METTL6: variants seen among roughly 807,000 people sequenced by gnomAD.
METTL6 encodes methyltransferase 6, tRNA N3-cytidine, also known as tRNA N(3)-cytidine methyltransferase METTL6.
A neutral mutation model predicts 26.4 loss-of-function variants in METTL6; 22 were observed. The ratio of observed to expected loss-of-function variants is 0.83; its 90% CI spans 0.59 to 1.19. The LOEUF is 1.19. METTL6 is among the 50% of genes most tolerant of loss of function. METTL6 has a pLI of 0.00. For synonymous variants in METTL6, 109 were observed against 116.2 expected (o/e 0.94, Z 0.40); for missense variants, 304 against 324.8 (o/e 0.94, Z 0.49).
chr3:15,412,494 GTTTT>G (rs898591503), intron 5 of METTL6, among the ~76,000 whole-genome samples: 1 of 151,402 alleles, frequency 6.6e-6, no homozygotes, highest in Non-Finnish European at 1.5e-5. Flanking sequence ...GTTTTGTTTT[GTTTT>G]TTTGAGATAG....
chr3:15,398,594 T>C (rs1002162022), intron 6 of METTL6, among the ~76,000 whole-genome samples: 3 of 151,990 alleles, frequency 2.0e-5, no homozygotes, highest in Admixed American at 6.6e-5. Context: ...ACACCTGTAA[T>C]CCCAACACTT....
At chr3:15,382,272 T>C (rs1378738718) in exon 7 of METTL6, 1 of 152,124 alleles carries the variant, frequency 6.6e-6, no homozygotes, top group East Asian at 1.9e-4. Context: ...GATGCCTCCA[T>C]TCTCCAGATC....
At chr3:15,393,710 C>T (rs1354450678) in intron 6 of METTL6, among the ~76,000 whole-genome samples, 1 of 152,118 alleles carries the variant, frequency 6.6e-6, no homozygotes, top group Non-Finnish European at 1.5e-5. Context: ...GCATGAAGGG[C>T]TGCTGAATTT....
At chr3:15,421,019 G>A (rs1018761918) in intron 3 of METTL6, among the ~76,000 whole-genome samples, 3 of 152,130 alleles carry the variant, frequency 2.0e-5, no homozygotes, top group African/African-American at 7.2e-5. Flanking sequence ...TGACCTCTTA[G>A]AACTAGACAT....
intron 3 of METTL6, among the ~76,000 whole-genome samples, chr3:15,420,195 A>G (rs546334289): frequency 6.6e-5 from 10 of 152,308 alleles, no homozygotes; most frequent in African/African-American, 2.4e-4. Context: ...CATTCCATGG[A>G]ATATTATAAC....
In METTL6 at chr3:15,410,659, T is replaced by C. The variant is rs1013697213; in HGVS notation, c.*597A>G. ...TGCAGTTGAAAACAGGTAATTGAAA[T>C]TGTGGTAAGTGAAACCATGGATAAA... On this transcript the variant is annotated 3_prime_UTR_variant, in exon 6 of 6. Transcript: ENST00000383790. Among the ~76,000 whole-genome samples the C allele has an allele frequency of 6.6e-6, 1 of 151,844 alleles. No individual in the cohort carries two copies.
intron 6 of METTL6, among the ~76,000 whole-genome samples, chr3:15,404,741 G>A (rs537570064): frequency 2.6e-5 from 4 of 152,216 alleles, no homozygotes; most frequent in Admixed American, 1.3e-4. Flanking sequence ...ATTCACAGGT[G>A]AGATCATAGT....
chr3:15,426,034 G>A (rs773603683), intron 2 of METTL6, among the ~76,000 whole-genome samples: 3 of 151,922 alleles, frequency 2.0e-5, no homozygotes, highest in Non-Finnish European at 2.9e-5. Flanking sequence ...TCCGCCTCCC[G>A]GGTTCAAGCG....
chr3:15,425,193 C>T (rs941631367), intron 2 of METTL6, 104 bp from the exon 3 acceptor site: 3 of 1,226,874 alleles, frequency 2.4e-6, no homozygotes, highest in Non-Finnish European at 1.1e-6. Flanking sequence ...CCCCATGGAG[C>T]AGACGATCAA....
Position 15,401,046 on chromosome 3 carries a change from T to C in METTL6, c.*11+10199A>G, listed in dbSNP as rs954766839. Among the ~76,000 whole-genome samples the C allele has an allele frequency of 5.7e-5, 8 of 139,856 alleles. 1 individual carries two copies. Among genetic ancestry groups the C allele is most frequent in the Admixed American group, 4.2e-4 (6 of 14,158 alleles). 91.8% of individuals were successfully genotyped at this position (139,856 alleles called of 152,430 possible). ...CCCAGATCAGTTTTGTATTTTCTTC[T>C]TTTTTTTTTTTGAGATGGAGTCTCA... On this transcript the variant is annotated intron_variant, in intron 6 of 6. Coordinates refer to the METTL6 transcript ENST00000443029.
At chr3:15,401,821 T>G (rs1203413851) in intron 6 of METTL6, among the ~76,000 whole-genome samples, 1 of 152,188 alleles carries the variant, frequency 6.6e-6, no homozygotes, top group Non-Finnish European at 1.5e-5. Context: ...TGCCCGCCCC[T>G]TTTCCAGAAC....
rs78064960 is a variant in METTL6 at position 15,383,471 on chromosome 3, T to C, written c.*728A>G. 4.1e-3 allele frequency: 622 copies of C among 151,978 alleles called. 1 individual carries two copies. Among genetic ancestry groups the C allele is most frequent in the East Asian group, 0.019 (99 of 5,182 alleles). 9.4% of individuals were successfully genotyped at this position (151,978 alleles called of 1,614,324 possible). On this transcript the variant is annotated 3_prime_UTR_variant, in exon 7 of 7. Transcript: ENST00000443029. Reference sequence around the variant, plus strand: ...CAGGCTGGTGTCTGGAACCCCTGAATTCCTGGGCTCAAGCAATCTTCCTGC... The same window carrying C: ...CAGGCTGGTGTCTGGAACCCCTGAACTCCTGGGCTCAAGCAATCTTCCTGC...
Position 15,424,571 on chromosome 3 carries a change from TA to T in METTL6, c.360+383del, listed in dbSNP as rs764956968. On this transcript the variant is annotated intron_variant, in intron 3 of 5. Transcript: ENST00000383790. ...TGCGAACCAACATGGCAGGCCAGAT[TA>T]TAGTTATTTTTGTGAAATATGATAA... Among the ~76,000 whole-genome samples, 63 of 152,194 alleles carry T rather than the reference TA, an allele frequency of 4.1e-4. 4 individuals carry two copies. Among genetic ancestry groups the T allele is most frequent in the Admixed American group, 2.6e-4 (4 of 15,282 alleles).
At chr3:15,390,009 C>T (rs1050418365) in intron 6 of METTL6, among the ~76,000 whole-genome samples, 24 of 151,468 alleles carry the variant, frequency 1.6e-4, no homozygotes, top group African/African-American at 5.6e-4. Flanking sequence ...AGTAAGACTC[C>T]ATCTCAAGGG....
intron 5 of METTL6, among the ~76,000 whole-genome samples, chr3:15,412,772 G>C (rs541035289): frequency 1.4e-4 from 22 of 151,904 alleles, no homozygotes; most frequent in African/African-American, 4.8e-4. Flanking sequence ...AGCTTTAATA[G>C]TAATCACTCA....
intron 6 of METTL6, among the ~76,000 whole-genome samples, chr3:15,401,855 T>C (rs1699656027): frequency 6.6e-6 from 1 of 152,224 alleles, no homozygotes; most frequent in African/African-American, 2.4e-5. Context: ...CTACCCCTTA[T>C]TTAGCATATG....
chr3:15,405,228 G>C (rs192290975), downstream of METTL6, among the ~76,000 whole-genome samples: 2 of 152,298 alleles, frequency 1.3e-5, no homozygotes, highest in Admixed American at 1.3e-4. Flanking sequence ...AGTGTCCTGG[G>C]GGCCTTGCAG....
chr3:15,393,666 G>A (rs1040470898), intron 6 of METTL6, among the ~76,000 whole-genome samples: 69 of 152,198 alleles, frequency 4.5e-4, no homozygotes, highest in African/African-American at 1.3e-3. Context: ...TTTGAGATAC[G>A]TCCCATCAGT....
chr3:15,385,827 C>T (rs1484618026), intron 6 of METTL6, among the ~76,000 whole-genome samples: 1 of 152,214 alleles, frequency 6.6e-6, no homozygotes, highest in Non-Finnish European at 1.5e-5. Flanking sequence ...AAACTCTCTG[C>T]TTACATTAAT....
Sources: allele counts gnomAD v4.1 joint callset (sites outside exome capture counted in the v4.1 genomes callset), GRCh38; gene constraint gnomAD v4.1.1; transcripts MANE v1.5; gene names NCBI Gene and HGNC (gene_info 2026-07-23, HGNC 2026-07-21).